FIGNL2: variants seen among roughly 807,000 people sequenced by gnomAD.
FIGNL2 encodes the protein fidgetin like 2, also known as fidgetin-like protein 2.
For missense variants in FIGNL2, 1,060 were observed against 950.2 expected (o/e 1.12, Z -1.52); for synonymous variants, 565 against 484.0 (o/e 1.17, Z -2.20).
rs568937638 is a variant in FIGNL2, at chr12:51,836,559, G to T, written c.-12+11981C>A. 7.9e-4 allele frequency among the ~76,000 whole-genome samples: 121 copies of T among 152,280 alleles called. 1 individual carries two copies. The highest frequency in any genetic ancestry group is 1.2e-3 in the East Asian group (6 of 5,182). ...TGGGCTAAAGTGAGTCTCTGTTGGTGGGGGGCGGATACTTCAGAATCCTAA... is the reference window on the plus strand; with the variant it reads ...TGGGCTAAAGTGAGTCTCTGTTGGTTGGGGGCGGATACTTCAGAATCCTAA... On this transcript the variant is annotated intron_variant, in intron 1 of 1. Coordinates refer to ENST00000618634, the MANE Select transcript of FIGNL2 (RefSeq NM_001384995.1).
intron 1 of FIGNL2, among the ~76,000 whole-genome samples, chr12:51,834,087 A>AGATG (rs1939532021): frequency 3.1e-5 from 4 of 128,954 alleles, no homozygotes; most frequent in Non-Finnish European, 5.0e-5. Context: ...ATAGACAGAC[A>AGATG]GACGGATGGG....
intron 1 of FIGNL2, among the ~76,000 whole-genome samples, chr12:51,835,951 C>T (rs1939572530): frequency 6.6e-6 from 1 of 152,094 alleles, no homozygotes; most frequent in Admixed American, 6.6e-5. Context: ...GCTGGGATTA[C>T]AGGCGTGCAC....
At position 51,825,627 on chromosome 12, in the gene FIGNL2, T is replaced by TG. The variant is rs1218988141; in HGVS notation, c.-11-3204_-11-3203insC. On this transcript the variant is annotated intron_variant, in intron 1 of 1. Coordinates refer to ENST00000618634, the MANE Select transcript of FIGNL2 (RefSeq NM_001384995.1). ...AACTTGTCCATGACACTCTTTTTTT[T>TG]TTTTTTTGAGACGGAGTCTCGCTCT... is the stretch of plus-strand genomic sequence containing the variant. Among the ~76,000 whole-genome samples, 5 of 151,342 alleles carry TG rather than the reference T, an allele frequency of 3.3e-5. No individual in the cohort carries two copies. The East Asian group carries it at 9.7e-4, about 29-fold the overall frequency.
At chr12:51,846,932 G>T in intron 1 of FIGNL2, 1 of 906,688 alleles carries the variant, frequency 1.1e-6, no homozygotes, top group Non-Finnish European at 1.3e-6. Flanking sequence ...TGTTAAACAT[G>T]GGAAAGGGGA....
chr12:51,821,109 G>A lies in FIGNL2; in HGVS notation c.1305C>T (p.Gly435=), dbSNP rs1336194045. 5 of 1,378,788 alleles carry A rather than the reference G, an allele frequency of 3.6e-6. No homozygotes were observed. The highest frequency in any genetic ancestry group is 4.6e-6 in the Non-Finnish European group (5 of 1,077,100). The allele number at this position is 1,378,788 out of a possible 1,614,324, so 85.4% of individuals were successfully genotyped here. ...AGCGGCCCAGCAGCGCTTTGCCCGC[G>A]CCCCGCGGCCCAAAGAGCAGGACGG... ...PRTVLLFGPR[G]AGKALLGRCL... is the part of the protein sequence containing the mutation. The change falls in exon 2 of 2, where the codon GGC becomes GGT. Residue 435 remains glycine, a synonymous_variant. Transcript: ENST00000618634.
In FIGNL2 at chr12:51,820,747, G is replaced by A. The variant is rs1281250456; in HGVS notation, c.1667C>T (p.Ala556Val). The A allele has an allele frequency of 6.7e-7, 1 of 1,485,828 alleles. No individual in the cohort carries two copies. The highest frequency in any genetic ancestry group is 8.9e-7 in the Non-Finnish European group (1 of 1,127,102). 92.0% of individuals were successfully genotyped at this position (1,485,828 alleles called of 1,614,324 possible). A position where few individuals can be genotyped will look rare whatever the true frequency, so the allele number is the denominator to read the frequency against. Residue 556 changes from alanine (A) to valine (V), a missense_variant, in exon 2 of 2, where the codon GCG becomes GTG. By Grantham distance (64) the Ala-to-Val change is moderately conservative. Coordinates refer to ENST00000618634, the MANE Select transcript of FIGNL2 (RefSeq NM_001384995.1). The stretch of plus-strand genomic sequence containing the variant: ...CCCGCGGGCCGGGCTGTCGGGCAGC[G>A]CCACGTAGAAGCGGAGAGAGAAGCG... Reference protein sequence around the residue: ...RRRFSLRFYVALPDSPARGQI... With the variant: ...RRRFSLRFYVVLPDSPARGQI...
At chr12:51,844,675 G>T (rs1939714214) in intron 1 of FIGNL2, 1 of 984,856 alleles carries the variant, frequency 1.0e-6, no homozygotes, top group South Asian at 4.7e-5. Flanking sequence ...TCATCAAGAT[G>T]CTTATGAAAC....
At position 51,821,083 on chromosome 12, in the gene FIGNL2, C is replaced by G. The variant is rs1165087670; in HGVS notation, c.1331G>C (p.Cys444Ser). The part of the protein sequence containing the change: ...RGAGKALLGR[C>S]LATQLGATLL... ...CGTGGCGCCCAGCTGCGTGGCGAGG[C>G]AGCGGCCCAGCAGCGCTTTGCCCGC... Residue 444 changes from cysteine to serine, a missense_variant, in exon 2 of 2, where the codon TGC (cysteine) becomes TCC (serine). Transcript: ENST00000618634. 1 of 1,300,726 alleles carries G rather than the reference C, an allele frequency of 7.7e-7. No homozygotes were observed. The highest frequency in any genetic ancestry group is 1.6e-5 in the African/African-American group (1 of 64,274). 80.6% of individuals were successfully genotyped at this position (1,300,726 alleles called of 1,614,324 possible).
chr12:51,848,137 T>C, intron 1 of FIGNL2: 1 of 984,452 alleles, frequency 1.0e-6, no homozygotes, highest in Non-Finnish European at 1.2e-6. Flanking sequence ...GGGAGGGGCC[T>C]GCGGGCCGGC....
At chr12:51,847,784 C>A (rs1432789451) in intron 1 of FIGNL2, 3 of 985,218 alleles carry the variant, frequency 3.0e-6, no homozygotes, top group Non-Finnish European at 3.6e-6. Flanking sequence ...TGCTAGCATG[C>A]GAATCTCTGT....
rs1939159205 is a variant in FIGNL2 at position 51,820,810 on chromosome 12, G to A, written c.1604C>T (p.Thr535Ile). 2.7e-6 allele frequency: 4 copies of A among 1,473,444 alleles called. No individual in the cohort carries two copies. 91.3% of individuals were successfully genotyped at this position (1,473,444 alleles called of 1,614,324 possible). A position where few individuals can be genotyped will look rare whatever the true frequency, so the allele number is the denominator to read the frequency against. ...GADGVLVVGT[T>I]SRPAALDEAT... is the part of the protein sequence containing the mutation. ...CTCGTCCAGAGCCGCGGGCCGCGAG[G>A]TGGTGCCCACAACCAGCACGCCGTC... The change falls in exon 2 of 2, where the codon ACC becomes ATC. Residue 535 changes from threonine to isoleucine, a missense_variant. Transcript: ENST00000618634.
chr12:51,818,170 C>G lies in FIGNL2; in HGVS notation c.*2282G>C, dbSNP rs1045161111. On this transcript the variant is annotated 3_prime_UTR_variant, in exon 2 of 2. Transcript: ENST00000618634. ...ATGCCTCCCCCCAGCATTACCAGAG[C>G]TGGACTGGCCCTTCCCCTACCTGCC... 4.6e-5 allele frequency: 7 copies of G among 152,092 alleles called. No individual in the cohort carries two copies. Among genetic ancestry groups the G allele is most frequent in the African/African-American group, 1.7e-4 (7 of 41,362 alleles). The allele number at this position is 152,092 out of a possible 1,614,324, so 9.4% of individuals were successfully genotyped here.
intron 1 of FIGNL2, among the ~76,000 whole-genome samples, chr12:51,839,070 C>G (rs1939621312): frequency 6.6e-6 from 1 of 150,626 alleles, no homozygotes; most frequent in Non-Finnish European, 1.5e-5. Flanking sequence ...ATGACCCCCC[C>G]AGCCCACCCT....
In FIGNL2 at chr12:51,821,485, C is replaced by T. The variant is rs1374556151; in HGVS notation, c.929G>A (p.Arg310Gln). The T allele has an allele frequency of 3.7e-5, 58 of 1,552,646 alleles. No individual in the cohort carries two copies. Among genetic ancestry groups the T allele is most frequent in the Non-Finnish European group, 4.8e-5 (55 of 1,155,974 alleles). ...CTCCGCGGCTCCTGGCGGCTTGGCC[C>T]GGAACCCGTTGCCCCGACATTCGCC... ...DNGECRGNGF[R>Q]AKPPGAAEEA... Residue 310 changes from arginine to glutamine, a missense_variant, in exon 2 of 2, where the codon CGG becomes CAG. By Grantham distance (43) the Arg-to-Gln change is conservative. Coordinates refer to ENST00000618634, the MANE Select transcript of FIGNL2 (RefSeq NM_001384995.1).
At chr12:51,842,997 A>G (rs957813967) in intron 1 of FIGNL2, among the ~76,000 whole-genome samples, 2 of 152,322 alleles carry the variant, frequency 1.3e-5, no homozygotes, top group African/African-American at 4.8e-5. Context: ...CATGCTAGGC[A>G]CTTGTGGCAA....
At chr12:51,844,614 A>G in intron 1 of FIGNL2, 2 of 811,796 alleles carry the variant, frequency 2.5e-6, no homozygotes, top group Non-Finnish European at 3.0e-6. Flanking sequence ...TTCTCACCTC[A>G]CAGATGAGAT....
At position 51,820,734 on chromosome 12, in the gene FIGNL2, G is replaced by A. The variant is rs1365835173; in HGVS notation, c.1680C>T (p.Ser560=). 1.3e-6 allele frequency: 2 copies of A among 1,482,884 alleles called. No individual in the cohort carries two copies. Among genetic ancestry groups the A allele is most frequent in the Admixed American group, 2.3e-5 (1 of 42,652 alleles). The allele number at this position is 1,482,884 out of a possible 1,614,324, so 91.9% of individuals were successfully genotyped here. A position where few individuals can be genotyped will look rare whatever the true frequency, so the allele number is the denominator to read the frequency against. ...GCTGCAGGATCTGCCCGCGGGCCGG[G>A]CTGTCGGGCAGCGCCACGTAGAAGC... The part of the protein sequence containing the change: ...SLRFYVALPD[S]PARGQILQRA... The change falls in exon 2 of 2, where the codon AGC becomes AGT. Residue 560 remains serine, a synonymous_variant. Transcript: ENST00000618634.
At chr12:51,848,364 C>A in intron 1 of FIGNL2, 176 bp downstream of exon 1, 1 of 982,492 alleles carries the variant, frequency 1.0e-6, no homozygotes, top group Non-Finnish European at 1.2e-6. Flanking sequence ...CTCCCACGTA[C>A]CCGCTAGGGT....
In FIGNL2 at chr12:51,837,805, C is replaced by G. The variant is rs1452526911; in HGVS notation, c.-12+10735G>C. The G allele has an allele frequency of 3.3e-5, 5 of 152,248 alleles. No individual in the cohort carries two copies. The East Asian group carries it at 9.6e-4, about 29-fold the overall frequency. 9.4% of individuals were successfully genotyped at this position (152,248 alleles called of 1,614,324 possible). A position where few individuals can be genotyped will look rare whatever the true frequency, so the allele number is the denominator to read the frequency against. On this transcript the variant is annotated intron_variant, in intron 1 of 1. Coordinates refer to ENST00000618634, the MANE Select transcript of FIGNL2 (RefSeq NM_001384995.1). ...GGAGAAAGCAGGTAGAGAGAAATAG[C>G]CTTGTTATTACCCTAGTCCCTGCCA...
Sources: allele counts gnomAD v4.1 joint callset (sites outside exome capture counted in the v4.1 genomes callset), GRCh38; gene constraint gnomAD v4.1.1; transcripts MANE v1.5; gene names NCBI Gene and HGNC (gene_info 2026-07-23, HGNC 2026-07-21).